Variants in MCTP1 observed in about 807,000 individuals in gnomAD.
The protein encoded by MCTP1 is multiple C2 and transmembrane domain-containing protein 1.
MCTP1 carries 69 observed loss-of-function variants against 120.6 expected under a neutral mutation model. The ratio of observed to expected loss-of-function variants is 0.57; its 90% confidence interval spans 0.47 to 0.70. MCTP1 has a LOEUF of 0.70. Among genes scored for constraint, MCTP1 ranks in the 30% least tolerant of loss-of-function variants. The pLI is 0.00. For synonymous variants in MCTP1, 529 were observed against 493.1 expected, an observed-to-expected ratio of 1.07 and a Z score of -0.96; for missense variants, 1,203 against 1,248.8, an observed-to-expected ratio of 0.96 and a Z score of 0.55.
chr5:95,117,822 A>C (rs1278095256), intron 1 of MCTP1, among the ~76,000 whole-genome samples: 1 of 152,248 alleles, frequency 6.6e-6, no homozygotes, highest in East Asian at 1.9e-4. Context: ...ACTATGCAAT[A>C]CTATGCAGCC....
At chr5:95,204,143 G>C (rs567641552) in intron 1 of MCTP1, among the ~76,000 whole-genome samples, 1 of 152,122 alleles carries the variant, frequency 6.6e-6, no homozygotes, top group Non-Finnish European at 1.5e-5. Flanking sequence ...AATTGAGAAA[G>C]CCTTTTAAAA....
chr5:95,105,427 A>G (rs1161103448), intron 1 of MCTP1, among the ~76,000 whole-genome samples: 1 of 152,164 alleles, frequency 6.6e-6, no homozygotes, highest in Non-Finnish European at 1.5e-5. Flanking sequence ...GGACTCATTT[A>G]TCTATCTTCT....
chr5:95,196,819 A>G (rs1210098186), intron 1 of MCTP1, among the ~76,000 whole-genome samples: 1 of 152,126 alleles, frequency 6.6e-6, no homozygotes, highest in Non-Finnish European at 1.5e-5. Context: ...GAATAGAATC[A>G]CCTATAAGGA....
chr5:94,803,589 G>A (rs1781639190), intron 17 of MCTP1, among the ~76,000 whole-genome samples: 1 of 152,188 alleles, frequency 6.6e-6, no homozygotes, highest in African/African-American at 2.4e-5. Context: ...TGCTCAACAA[G>A]CATTAGGTGT....
intron 17 of MCTP1, among the ~76,000 whole-genome samples, chr5:94,802,864 T>C (rs13355648): frequency 0.014 from 2,173 of 152,338 alleles, 42 homozygotes; most frequent in African/African-American, 0.05. Context: ...CTGTGGGTCA[T>C]GGAAAGAGGA....
At chr5:94,826,022 T>C (rs1472586999) in intron 17 of MCTP1, 8 of 319,862 alleles carry the variant, frequency 2.5e-5, no homozygotes, top group Admixed American at 2.4e-4. Flanking sequence ...TTCTACAAAA[T>C]GGGTGCTCTG....
At chr5:94,952,717 C>T (rs1325523608) in intron 3 of MCTP1, among the ~76,000 whole-genome samples, 5 of 152,020 alleles carry the variant, frequency 3.3e-5, no homozygotes, top group South Asian at 2.1e-4. Context: ...TTACATCAAA[C>T]GAGAGGAAAG....
chr5:94,855,245 A>G (rs1480344505), intron 17 of MCTP1, among the ~76,000 whole-genome samples: 1 of 151,854 alleles, frequency 6.6e-6, no homozygotes, highest in Non-Finnish European at 1.5e-5. Flanking sequence ...GGACTAAATT[A>G]CAGATAAAGT....
intron 17 of MCTP1, among the ~76,000 whole-genome samples, chr5:94,828,986 T>C (rs899341925): frequency 6.9e-6 from 1 of 145,620 alleles, no homozygotes; most frequent in African/African-American, 2.5e-5. Context: ...GACACTGGGG[T>C]ATGAAAAAAA....
chr5:95,054,798 A>ATTGC (rs1554194501), intron 1 of MCTP1, among the ~76,000 whole-genome samples: 1 of 151,188 alleles, frequency 6.6e-6, no homozygotes, highest in East Asian at 1.9e-4. Flanking sequence ...TTTTGTTGTT[A>ATTGC]TTGTTTGTTT....
At chr5:95,111,003 G>C (rs1757410448) in intron 1 of MCTP1, among the ~76,000 whole-genome samples, 1 of 152,078 alleles carries the variant, frequency 6.6e-6, no homozygotes, top group African/African-American at 2.4e-5. Context: ...TTTTGTAATG[G>C]GGAAAAAGAA....
chr5:95,065,516 A>C (rs1400278548), intron 1 of MCTP1, among the ~76,000 whole-genome samples: 2 of 152,224 alleles, frequency 1.3e-5, no homozygotes, highest in African/African-American at 2.4e-5. Context: ...AATTTATATG[A>C]TTATCTGAAA....
chr5:95,284,240 G>A lies in MCTP1; in HGVS notation c.336C>T (p.Ala112=), dbSNP rs1313737065. ...GCGTGGACCCCTGCTCGGCTCTGCC[G>A]GCGCCGCCGGGCTCCAGGGGCTCCG... The part of the protein sequence containing the change: ...SSPEPLEPGG[A]GRAEQGSTLR... The change falls in exon 1 of 23, where the codon GCC becomes GCT. Residue 112 remains alanine (A), a synonymous_variant. Coordinates refer to ENST00000515393, the MANE Select transcript of MCTP1 (RefSeq NM_024717.7). The surrounding 1 kb of genome is among the most constrained non-coding windows in gnomAD (Gnocchi z 5.2). The A allele has an allele frequency of 2.5e-6, 4 of 1,585,346 alleles. No individual in the cohort carries two copies. The highest frequency in any genetic ancestry group is 3.4e-6 in the Non-Finnish European group (4 of 1,172,888).
chr5:94,944,217 A>G (rs1302783062), intron 3 of MCTP1, among the ~76,000 whole-genome samples: 1 of 152,146 alleles, frequency 6.6e-6, no homozygotes, highest in East Asian at 1.9e-4. Context: ...TGCCTTTTAA[A>G]TTATTCAATT....
At chr5:95,036,141 G>C (rs1400351471) in intron 1 of MCTP1, among the ~76,000 whole-genome samples, 1 of 152,132 alleles carries the variant, frequency 6.6e-6, no homozygotes, top group Non-Finnish European at 1.5e-5. Context: ...CAGAGGGATA[G>C]TCTTGTCAGA....
intron 6 of MCTP1, among the ~76,000 whole-genome samples, chr5:94,927,025 CAT>C (rs1236957835): frequency 1.3e-5 from 2 of 152,154 alleles, no homozygotes; most frequent in African/African-American, 2.4e-5. Flanking sequence ...AATGTAATGC[CAT>C]TGTCACAGCA....
chr5:95,101,237 T>G (rs907992895), intron 1 of MCTP1, among the ~76,000 whole-genome samples: 1 of 152,140 alleles, frequency 6.6e-6, no homozygotes, highest in Non-Finnish European at 1.5e-5. Flanking sequence ...AAAATTAAAA[T>G]ATAAACAAAA....
At chr5:94,998,691 A>T (rs1833080012) in intron 2 of MCTP1, among the ~76,000 whole-genome samples, 1 of 152,144 alleles carries the variant, frequency 6.6e-6, no homozygotes, top group Non-Finnish European at 1.5e-5. Context: ...GATTGCAGAG[A>T]CTGTGCACAA....
intron 1 of MCTP1, among the ~76,000 whole-genome samples, chr5:95,091,754 T>C (rs1323222873): frequency 6.6e-6 from 1 of 152,186 alleles, no homozygotes; most frequent in African/African-American, 2.4e-5. Context: ...TTTCACACAT[T>C]CCTGACTCAC....
Sources: allele counts gnomAD v4.1 joint callset (sites outside exome capture counted in the v4.1 genomes callset), GRCh38; gene constraint gnomAD v4.1.1; non-coding constraint Gnocchi (gnomAD v3.1); transcripts MANE v1.5; gene names NCBI Gene and HGNC (gene_info 2026-07-23, HGNC 2026-07-21).